PPM1D: variants seen among roughly 807,000 people sequenced by gnomAD.
PPM1D encodes the protein protein phosphatase 1D.
Under a neutral mutation model 58.3 loss-of-function variants are expected in PPM1D, and 52 were observed. The observed-to-expected ratio is 0.89, with a 90% CI of 0.71 to 1.12. PPM1D has a LOEUF of 1.12. PPM1D is among the 50% of genes most tolerant of loss of function. The probability of loss-of-function intolerance (pLI) is 0.00; values close to 1 mark genes in which losing one functional copy is unlikely to be tolerated. For missense variants in PPM1D, 564 were observed against 777.2 expected (o/e 0.73, Z 3.26); for synonymous variants, 278 against 285.1 (o/e 0.98, Z 0.25).
chr17:60,638,414 G>A (rs1363676702), intron 3 of PPM1D, among the ~76,000 whole-genome samples: 2 of 151,834 alleles, frequency 1.3e-5, no homozygotes, highest in African/African-American at 4.8e-5. Context: ...TGTTGCCCAG[G>A]CTGGAATGCA....
In PPM1D at chr17:60,663,458, C is replaced by T. The variant is rs1000741337; in HGVS notation, c.1724C>T (p.Ser575Phe). ...SLPTTSQRKNSVKLTMRRRLR... is the reference protein window; with the variant it reads ...SLPTTSQRKNFVKLTMRRRLR... The stretch of plus-strand genomic sequence containing the variant: ...CCCACAACCTCACAGCGAAAGAACT[C>T]TGTTAAACTCACCATGCGACGCAGA... The change falls in exon 6 of 6, where the codon TCT becomes TTT. Residue 575 changes from serine (S) to phenylalanine (F), a missense_variant. Ser to Phe is a radical substitution (Grantham distance 155). Transcript: ENST00000305921. The T allele has an allele frequency of 3.7e-6, 6 of 1,614,134 alleles. No homozygotes were observed. The highest frequency in any genetic ancestry group is 5.1e-6 in the Non-Finnish European group (6 of 1,180,032).
At chr17:60,604,687 G>A (rs1161526793) in intron 1 of PPM1D, 1 of 152,214 alleles carries the variant, frequency 6.6e-6, no homozygotes, top group Non-Finnish European at 1.5e-5. Flanking sequence ...GAGCCTGGGA[G>A]GTGGGGTTAC....
chr17:60,603,084 A>G (rs1253716373), intron 1 of PPM1D, among the ~76,000 whole-genome samples: 1 of 152,218 alleles, frequency 6.6e-6, no homozygotes, highest in Non-Finnish European at 1.5e-5. Context: ...CCCAACAAGG[A>G]AAACTCAAAC....
chr17:60,648,033 A>G lies in PPM1D; in HGVS notation c.968A>G (p.Gln323Arg), dbSNP rs1157616828. The change falls in exon 4 of 6, where the codon CAA becomes CGA. Residue 323 changes from glutamine (Q) to arginine (R), a missense_variant. By Grantham distance (43) the Gln-to-Arg change is conservative (BLOSUM62 1). Transcript: ENST00000305921. ...SDGLWNMIPP[Q>R]DAISMCQDQE... ...GGACTTTGGAATATGATTCCACCAC[A>G]AGATGCCATCTCAATGTGCCAGGAC... 5 of 1,613,726 alleles carry G rather than the reference A, an allele frequency of 3.1e-6. No homozygotes were observed. Among genetic ancestry groups the G allele is most frequent in the Admixed American group, 1.7e-5 (1 of 59,934 alleles).
chr17:60,656,845 T>C lies in PPM1D; in HGVS notation c.1260+4T>C, dbSNP rs200156959. 3.2e-5 allele frequency: 51 copies of C among 1,613,914 alleles called. No homozygotes were observed. In the South Asian group the frequency reaches 5.3e-4, roughly 17 times the overall value. ...ATGTTCTACACCACCAGTCAAGGTATATAGTTCCATAGTTTTTAAGTTATG... is the reference window on the plus strand; with the variant it reads ...ATGTTCTACACCACCAGTCAAGGTACATAGTTCCATAGTTTTTAAGTTATG... On this transcript the variant is annotated splice_donor_region_variant and intron_variant, in intron 5 of 5. Coordinates refer to ENST00000305921, the MANE Select transcript of PPM1D (RefSeq NM_003620.4).
intron 1 of PPM1D, among the ~76,000 whole-genome samples, chr17:60,617,994 TCAC>T (rs1326701756): frequency 3.3e-5 from 5 of 152,240 alleles, no homozygotes; most frequent in African/African-American, 1.2e-4. Flanking sequence ...CTTAATAGTT[TCAC>T]CACTTTTCTC....
rs1269102510 is a variant in PPM1D, at chr17:60,664,721, C to A, written c.*1169C>A. Reference sequence around the variant, plus strand: ...TGGAGCATTTTGGATTTTGGATTTTCAGATTAGGGATGCTTAACCTGGATT... The same window carrying A: ...TGGAGCATTTTGGATTTTGGATTTTAAGATTAGGGATGCTTAACCTGGATT... On this transcript the variant is annotated 3_prime_UTR_variant, in exon 6 of 6. Transcript: ENST00000305921. 1 of 152,196 alleles carries A rather than the reference C, an allele frequency of 6.6e-6. No homozygotes were observed. The highest frequency in any genetic ancestry group is 1.5e-5 in the Non-Finnish European group (1 of 68,038). 9.4% of individuals were successfully genotyped at this position (152,196 alleles called of 1,614,324 possible).
intron 4 of PPM1D, among the ~76,000 whole-genome samples, chr17:60,650,282 G>C (rs2031318878): frequency 6.6e-6 from 1 of 152,196 alleles, no homozygotes; most frequent in Non-Finnish European, 1.5e-5. Flanking sequence ...CGGGCGCAGT[G>C]GCTCAAGCCT....
In PPM1D at chr17:60,600,816, G is replaced by A. The variant is rs766592941; in HGVS notation, c.402G>A (p.Glu134=). 8.1e-6 allele frequency: 13 copies of A among 1,613,076 alleles called. No homozygotes were observed. The East Asian group carries it at 2.9e-4, about 36-fold the overall frequency. Residue 134 remains glutamate (E), a synonymous_variant, in exon 1 of 6, where the codon GAG becomes GAA. Coordinates refer to ENST00000305921, the MANE Select transcript of PPM1D (RefSeq NM_003620.4). ...AGCAGAAGGGTTTCACCTCGTCCGA[G>A]CCGGCTAAGGTTTGCGCTGCCATCC... ...IKKQKGFTSS[E]PAKVCAAIRK...
Position 60,648,066 on chromosome 17 carries a change from A to C in PPM1D, c.1001A>C (p.Glu334Ala), listed in dbSNP as rs752226759. 3.7e-6 allele frequency: 6 copies of C among 1,608,562 alleles called. No homozygotes were observed. The Admixed American group carries it at 8.5e-5, about 23-fold the overall frequency. ...ATCTCAATGTGCCAGGACCAAGAGG[A>C]GAAAAAATACCTGATGGTGAGATGT... is the stretch of plus-strand genomic sequence containing the variant. Reference protein sequence around the residue: ...DAISMCQDQEEKKYLMGEHGQ... With the variant: ...DAISMCQDQEAKKYLMGEHGQ... Residue 334 changes from glutamate (E) to alanine (A), a missense_variant, in exon 4 of 6, where the codon GAG becomes GCG. By Grantham distance (107) the Glu-to-Ala change is moderately radical (BLOSUM62 -1). Coordinates refer to ENST00000305921, the MANE Select transcript of PPM1D (RefSeq NM_003620.4).
At chr17:60,661,730 T>G (rs759361169) in intron 5 of PPM1D, among the ~76,000 whole-genome samples, 2 of 152,194 alleles carry the variant, frequency 1.3e-5, no homozygotes, top group Non-Finnish European at 2.9e-5. Context: ...TATCTAGTGT[T>G]TGCAGGATGG....
chr17:60,609,627 C>T (rs537882680), intron 1 of PPM1D, among the ~76,000 whole-genome samples: 1 of 152,236 alleles, frequency 6.6e-6, no homozygotes, highest in East Asian at 1.9e-4. Context: ...TTTCTTTGCC[C>T]AGCATATCTA....
At chr17:60,657,780 C>T (rs1262203956) in intron 5 of PPM1D, among the ~76,000 whole-genome samples, 1 of 152,088 alleles carries the variant, frequency 6.6e-6, no homozygotes, top group Admixed American at 6.6e-5. Context: ...ACTCTTGTTG[C>T]CCAGGCTAGA....
chr17:60,610,958 G>A (rs941878988), intron 1 of PPM1D, among the ~76,000 whole-genome samples: 7 of 152,220 alleles, frequency 4.6e-5, no homozygotes, highest in African/African-American at 1.7e-4. Context: ...TTATGGTGGT[G>A]AAATTATATC....
At chr17:60,603,019 A>G (rs533813461) in intron 1 of PPM1D, among the ~76,000 whole-genome samples, 3 of 152,270 alleles carry the variant, frequency 2.0e-5, no homozygotes, top group African/African-American at 7.2e-5. Context: ...TTTTCAGGAC[A>G]CATGGAAATA....
chr17:60,614,438 A>G (rs888405765), intron 1 of PPM1D, among the ~76,000 whole-genome samples: 6 of 152,160 alleles, frequency 3.9e-5, no homozygotes, highest in South Asian at 2.1e-4. Context: ...AAATGCACCA[A>G]TCAGCACCCT....
At chr17:60,623,163 A>G (rs2030740743) in intron 1 of PPM1D, among the ~76,000 whole-genome samples, 1 of 152,184 alleles carries the variant, frequency 6.6e-6, no homozygotes, top group Non-Finnish European at 1.5e-5. Flanking sequence ...TGGCTAAATG[A>G]TACCACAACT....
At chr17:60,603,993 AT>A (rs1249508148) in intron 1 of PPM1D, among the ~76,000 whole-genome samples, 1 of 152,240 alleles carries the variant, frequency 6.6e-6, no homozygotes, top group African/African-American at 2.4e-5. Context: ...AGTTTGCTGA[AT>A]TGGAATTTGA....
At chr17:60,615,076 A>G (rs1002820404) in intron 1 of PPM1D, among the ~76,000 whole-genome samples, 16 of 152,180 alleles carry the variant, frequency 1.1e-4, no homozygotes, top group Non-Finnish European at 1.9e-4. Flanking sequence ...TTTTGCCTTT[A>G]TGACATGCAT....
Sources: allele counts gnomAD v4.1 joint callset (sites outside exome capture counted in the v4.1 genomes callset), GRCh38; gene constraint gnomAD v4.1.1; transcripts MANE v1.5; gene names NCBI Gene and HGNC (gene_info 2026-07-23, HGNC 2026-07-21).